Variants in KLRG1 observed in about 807,000 individuals in gnomAD.
KLRG1 encodes killer cell lectin-like receptor subfamily G member 1.
Under a neutral mutation model 21.8 loss-of-function variants are expected in KLRG1, and 16 were observed. The observed-to-expected ratio is 0.73, with a 90% CI of 0.50 to 1.11. KLRG1 has a LOEUF of 1.11. Among genes scored for constraint, KLRG1 ranks in the 50% most tolerant of loss-of-function variants. KLRG1 has a pLI of 0.00. For synonymous variants in KLRG1, 69 were observed against 75.9 expected (o/e 0.91, Z 0.47); for missense variants, 173 against 218.3 (o/e 0.79, Z 1.31).
rs1592284951 is a variant in KLRG1, at chr12:9,009,568, C to G, written c.*31C>G. 1 of 1,611,810 alleles carries G rather than the reference C, an allele frequency of 6.2e-7. No individual in the cohort carries two copies. The highest frequency in any genetic ancestry group is 8.5e-7 in the Non-Finnish European group (1 of 1,178,906). The stretch of plus-strand genomic sequence containing the variant: ...GACCACTCTGTCCTGACCCTCAGAT[C>G]TGTCATGTATCCCTAAAAGGAGGGA... On this transcript the variant is annotated 3_prime_UTR_variant, in exon 5 of 5. Transcript: ENST00000356986.
the KLRG1 span, chr12:9,159,982 G>A: frequency 9.3e-6 from 15 of 1,613,810 alleles, no homozygotes; most frequent in African/African-American, 1.3e-5. Flanking sequence ...CAAAGGTGCT[G>A]TAGGAGCCAT....
intron 3 of KLRG1, among the ~76,000 whole-genome samples, chr12:8,997,503 G>A (rs766546617): frequency 2.6e-5 from 4 of 152,128 alleles, no homozygotes; most frequent in Admixed American, 2.0e-4. Context: ...AAAGCAAGAA[G>A]TAAAAATAAA....
At chr12:8,974,976 A>C (rs533665872) in intron 1 of KLRG1, among the ~76,000 whole-genome samples, 3 of 151,526 alleles carry the variant, frequency 2.0e-5, no homozygotes, top group Non-Finnish European at 4.4e-5. Flanking sequence ...GCTCACTGCA[A>C]CCTCTGCCTC....
At chr12:9,168,973 C>T in the KLRG1 span, 2 of 1,609,296 alleles carry the variant, frequency 1.2e-6, no homozygotes, top group Non-Finnish European at 1.7e-6. Flanking sequence ...CAATCCCATC[C>T]CCTGGAAAAA....
At chr12:9,181,969 G>A in the KLRG1 span, 116 of 1,610,986 alleles carry the variant, frequency 7.2e-5, no homozygotes, top group African/African-American at 1.3e-4. Context: ...ATGTTAAATC[G>A]CTCACCTTGT....
At chr12:9,074,913 T>G in the KLRG1 span, 1 of 990,608 alleles carries the variant, frequency 1.0e-6, no homozygotes, top group Non-Finnish European at 1.5e-6. Flanking sequence ...ATGTAGATGC[T>G]TTTCCCTTCA....
chr12:9,106,387 A>G, the KLRG1 span: 1 of 1,496,078 alleles, frequency 6.7e-7, no homozygotes, highest in Non-Finnish European at 9.3e-7. Flanking sequence ...GGGAAGAATG[A>G]TGTCTCTAAA....
chr12:9,201,019 C>T, the KLRG1 span: 1 of 1,613,984 alleles, frequency 6.2e-7, no homozygotes, highest in Non-Finnish European at 8.5e-7. Context: ...CAGCTTCTAG[C>T]TTGAGACTCT....
At chr12:9,019,241 T>C in the KLRG1 span, among the ~76,000 whole-genome samples, 2 of 152,200 alleles carry the variant, frequency 1.3e-5, no homozygotes, top group Admixed American at 1.3e-4. Context: ...CCAGTTAAAA[T>C]GGATTTTATC....
chr12:9,091,032 T>C, the KLRG1 span, among the ~76,000 whole-genome samples: 1 of 152,184 alleles, frequency 6.6e-6, no homozygotes, highest in Admixed American at 6.5e-5. Flanking sequence ...GCTAGAAACT[T>C]GCTTTATGGT....
At chr12:9,148,988 T>A in the KLRG1 span, 1 of 1,611,496 alleles carries the variant, frequency 6.2e-7, no homozygotes, top group Non-Finnish European at 8.5e-7. Flanking sequence ...ATTTCCATGC[T>A]CTGTATCTAT....
chr12:9,166,480 T>A, the KLRG1 span, among the ~76,000 whole-genome samples: 1 of 152,086 alleles, frequency 6.6e-6, no homozygotes, highest in East Asian at 1.9e-4. Context: ...GTTTTATGGG[T>A]TTTGTGGCGA....
chr12:9,101,635 A>C, the KLRG1 span: 1 of 1,613,998 alleles, frequency 6.2e-7, no homozygotes, highest in Non-Finnish European at 8.5e-7. Context: ...TCTGACACCC[A>C]CTGGTAGCCG....
At chr12:8,997,710 G>A (rs745709257) in intron 3 of KLRG1, among the ~76,000 whole-genome samples, 6 of 152,248 alleles carry the variant, frequency 3.9e-5, no homozygotes, top group Non-Finnish European at 7.4e-5. Context: ...ATCACTTACG[G>A]CAAAGTGTAC....
the KLRG1 span, among the ~76,000 whole-genome samples, chr12:9,083,228 C>T: frequency 1.3e-5 from 2 of 151,476 alleles, no homozygotes; most frequent in Non-Finnish European, 2.9e-5. Context: ...CATCACACAC[C>T]GGGGCCTGTT....
At chr12:8,962,506 G>C (rs753892976) in intron 1 of KLRG1, among the ~76,000 whole-genome samples, 1 of 152,126 alleles carries the variant, frequency 6.6e-6, no homozygotes, top group East Asian at 1.9e-4. Context: ...TTGAGCCCAG[G>C]AGTTCAAGAT....
At chr12:8,984,691 C>T (rs1203064423), upstream of KLRG1, among the ~76,000 whole-genome samples, 2 of 152,158 alleles carry the variant, frequency 1.3e-5, no homozygotes, top group African/African-American at 2.4e-5. Flanking sequence ...AGTCTTTGAA[C>T]GTATTTATGC....
downstream of KLRG1, among the ~76,000 whole-genome samples, chr12:9,013,828 T>A (rs1947664121): frequency 6.6e-6 from 1 of 152,072 alleles, no homozygotes; most frequent in Non-Finnish European, 1.5e-5. Flanking sequence ...GAGATTTGGG[T>A]GGGGCATAGC....
chr12:9,078,994 T>G, the KLRG1 span, among the ~76,000 whole-genome samples: 1 of 152,128 alleles, frequency 6.6e-6, no homozygotes. Flanking sequence ...TTAGAAAGAA[T>G]AGCCATTTCA....
Sources: allele counts gnomAD v4.1 joint callset (sites outside exome capture counted in the v4.1 genomes callset), GRCh38; gene constraint gnomAD v4.1.1; transcripts MANE v1.5; gene names NCBI Gene and HGNC (gene_info 2026-07-23, HGNC 2026-07-21).